Variants in TIGD1 observed in about 807,000 individuals in gnomAD.
The protein encoded by TIGD1 is tigger transposable element derived 1.
TIGD1 carries 20 observed loss-of-function variants against 21.3 expected under a neutral mutation model. The observed-to-expected ratio is 0.94, with a 90% CI of 0.66 to 1.36. The LOEUF is 1.36. TIGD1 is among the 40% of genes most tolerant of loss of function. TIGD1 has a pLI of 0.00. For synonymous variants in TIGD1, 177 were observed against 123.2 expected (o/e 1.44, Z -2.89); for missense variants, 556 against 350.5 (o/e 1.59, Z -4.68).
In TIGD1 at chr2:232,545,805, T is replaced by C. The variant is rs1692122382; in HGVS notation, c.*2302A>G. On this transcript the variant is annotated 3_prime_UTR_variant, in exon 1 of 1. Transcript: ENST00000408957. ...CACGTTCTCCTACTGAGGTCCTAAG[T>C]GTGCTCTTTGGGAAGTGCCCTTCAG... 4.8e-6 allele frequency: 7 copies of C among 1,445,446 alleles called. No homozygotes were observed. Among genetic ancestry groups the C allele is most frequent in the Non-Finnish European group, 6.8e-6 (7 of 1,033,644 alleles). The allele number at this position is 1,445,446 out of a possible 1,614,324, so 89.5% of individuals were successfully genotyped here.
At position 232,550,196 on chromosome 2, in the gene TIGD1, A is replaced by G. The variant is rs1692251766; in HGVS notation, c.-314T>C. The stretch of plus-strand genomic sequence containing the variant: ...ACATGCTGTTGGAAAAATGGCGCTG[A>G]TACAATTGCTGGACTCAGGGCTGCC... On this transcript the variant is annotated 5_prime_UTR_variant, in exon 1 of 1. Coordinates refer to ENST00000408957, the MANE Select transcript of TIGD1 (RefSeq NM_145702.4). 1 of 316,648 alleles carries G rather than the reference A, an allele frequency of 3.2e-6. No homozygotes were observed. The highest frequency in any genetic ancestry group is 9.4e-5 in the South Asian group (1 of 10,626). 19.6% of individuals were successfully genotyped at this position (316,648 alleles called of 1,614,324 possible).
chr2:232,547,024 G>A lies in TIGD1; in HGVS notation c.*1083C>T, dbSNP rs908232217. Among the ~76,000 whole-genome samples, 7 of 152,196 alleles carry A rather than the reference G, an allele frequency of 4.6e-5. No homozygotes were observed. Among genetic ancestry groups the A allele is most frequent in the African/African-American group, 1.4e-4 (6 of 41,446 alleles). ...TGCTCTGAGATTACAGCCGGCACAC[G>A]AGTTTGGCTGGTAACCAGGGGACAC... On this transcript the variant is annotated 3_prime_UTR_variant, in exon 1 of 1. Transcript: ENST00000408957.
In TIGD1 at chr2:232,544,545, G is replaced by T; in HGVS notation, c.*3562C>A. On this transcript the variant is annotated 3_prime_UTR_variant, in exon 1 of 1. Coordinates refer to ENST00000408957, the MANE Select transcript of TIGD1 (RefSeq NM_145702.4). ...GAACTCCTCTTCCAGCAGTGGCAGC[G>T]GCAAGGGCTGGTGGCGGCAGCGCTG... The T allele has an allele frequency of 6.2e-7, 1 of 1,613,712 alleles. No individual in the cohort carries two copies. The highest frequency in any genetic ancestry group is 1.7e-5 in the Admixed American group (1 of 60,030).
chr2:232,545,469 C>T lies in TIGD1; in HGVS notation c.*2638G>A. On this transcript the variant is annotated 3_prime_UTR_variant, in exon 1 of 1. Coordinates refer to ENST00000408957, the MANE Select transcript of TIGD1 (RefSeq NM_145702.4). ...ATGGAGACATGGGCCTGCTGGAAGC[C>T]CAAGGATGAGAACAGGACCCAGGGA... 1 of 1,370,802 alleles carries T rather than the reference C, an allele frequency of 7.3e-7. No individual in the cohort carries two copies. Among genetic ancestry groups the T allele is most frequent in the Non-Finnish European group, 1.0e-6 (1 of 984,500 alleles). 84.9% of individuals were successfully genotyped at this position (1,370,802 alleles called of 1,614,324 possible).
chr2:232,545,657 CG>C lies in TIGD1; in HGVS notation c.*2449del, dbSNP rs891397971. 1 of 1,614,080 alleles carries C rather than the reference CG, an allele frequency of 6.2e-7. No individual in the cohort carries two copies. Among genetic ancestry groups the C allele is most frequent in the African/African-American group, 1.3e-5 (1 of 74,954 alleles). Reference sequence around the variant, plus strand: ...CATCTTCCTCATGGCCCACTACAACCGGGTGCCGGCCCTGCCATTCCCTGGA... The same window carrying C: ...CATCTTCCTCATGGCCCACTACAACCGGTGCCGGCCCTGCCATTCCCTGGA... On this transcript the variant is annotated 3_prime_UTR_variant, in exon 1 of 1. Coordinates refer to ENST00000408957, the MANE Select transcript of TIGD1 (RefSeq NM_145702.4).
At position 232,544,231 on chromosome 2, in the gene TIGD1, A is replaced by C; in HGVS notation, c.*3876T>G. On this transcript the variant is annotated 3_prime_UTR_variant, in exon 1 of 1. Coordinates refer to ENST00000408957, the MANE Select transcript of TIGD1 (RefSeq NM_145702.4). Reference sequence around the variant, plus strand: ...GGACCCAGGCTCGTGTCCAGTATAGAAAGCTTTACCAAGGCCACGTCACTG... The same window carrying C: ...GGACCCAGGCTCGTGTCCAGTATAGCAAGCTTTACCAAGGCCACGTCACTG... 1 of 766,490 alleles carries C rather than the reference A, an allele frequency of 1.3e-6. No homozygotes were observed. Among genetic ancestry groups the C allele is most frequent in the African/African-American group, 1.7e-5 (1 of 59,160 alleles). 47.5% of individuals were successfully genotyped at this position (766,490 alleles called of 1,614,324 possible).
At position 232,545,856 on chromosome 2, in the gene TIGD1, G is replaced by A; in HGVS notation, c.*2251C>T. The A allele has an allele frequency of 1.0e-6, 1 of 970,312 alleles. No homozygotes were observed. Among genetic ancestry groups the A allele is most frequent in the Non-Finnish European group, 1.6e-6 (1 of 624,356 alleles). 60.1% of individuals were successfully genotyped at this position (970,312 alleles called of 1,614,324 possible). ...GACTGTGTGAGCCAAACAGCCCTGA[G>A]AAAAGCTGGGGAAACAGTCTGAGCT... On this transcript the variant is annotated 3_prime_UTR_variant, in exon 1 of 1. Transcript: ENST00000408957.
rs143233705 is a variant in TIGD1 at position 232,544,081 on chromosome 2, T to C, written c.*4026A>G. Among the ~76,000 whole-genome samples the C allele has an allele frequency of 5.7e-3, 868 of 152,292 alleles. 9 individuals carry two copies. The highest frequency in any genetic ancestry group is 0.02 in the African/African-American group (823 of 41,564). On this transcript the variant is annotated 3_prime_UTR_variant, in exon 1 of 1. Coordinates refer to ENST00000408957, the MANE Select transcript of TIGD1 (RefSeq NM_145702.4). ...CACCTGCAGCCTTCAGCTTGGGCCC[T>C]TGTTGCACATGCAGATTCCCAGGCC...
rs1231940167 is a variant in TIGD1, at chr2:232,544,408, T to C, written c.*3699A>G. On this transcript the variant is annotated 3_prime_UTR_variant, in exon 1 of 1. Transcript: ENST00000408957. ...TGCCCCAGCTGCTGAGGATGCACGTTCGCCCGCTGGCCCCGGCAGCTGTGC... is the reference window on the plus strand; with the variant it reads ...TGCCCCAGCTGCTGAGGATGCACGTCCGCCCGCTGGCCCCGGCAGCTGTGC... 1.2e-6 allele frequency: 2 copies of C among 1,613,490 alleles called. No individual in the cohort carries two copies. Among genetic ancestry groups the C allele is most frequent in the Non-Finnish European group, 1.7e-6 (2 of 1,180,002 alleles).
Position 232,545,941 on chromosome 2 carries a change from C to G in TIGD1, c.*2166G>C. 1.6e-6 allele frequency: 1 copy of G among 635,186 alleles called. No homozygotes were observed. The highest frequency in any genetic ancestry group is 2.9e-6 in the Non-Finnish European group (1 of 349,324). 39.3% of individuals were successfully genotyped at this position (635,186 alleles called of 1,614,324 possible). A position where few individuals can be genotyped will look rare whatever the true frequency, so the allele number is the denominator to read the frequency against. ...AGTGTCCTGCTGCAGTCAGCACACA[C>G]GTGGGATTGGCTAGCTCATCCTGGC... On this transcript the variant is annotated 3_prime_UTR_variant, in exon 1 of 1. Coordinates refer to ENST00000408957, the MANE Select transcript of TIGD1 (RefSeq NM_145702.4).
chr2:232,545,504 G>A lies in TIGD1; in HGVS notation c.*2603C>T, dbSNP rs778042651. On this transcript the variant is annotated 3_prime_UTR_variant, in exon 1 of 1. Coordinates refer to ENST00000408957, the MANE Select transcript of TIGD1 (RefSeq NM_145702.4). ...GAACAGGACCCAGGGAAGACCTGGTGCCGCCGCTGGTTATCCCACACCTGC... is the reference window on the plus strand; with the variant it reads ...GAACAGGACCCAGGGAAGACCTGGTACCGCCGCTGGTTATCCCACACCTGC... 4.4e-6 allele frequency: 7 copies of A among 1,589,342 alleles called. No homozygotes were observed. In the African/African-American group the frequency reaches 8.1e-5, roughly 18 times the overall value.
At position 232,546,229 on chromosome 2, in the gene TIGD1, A is replaced by T. The variant is rs1024766867; in HGVS notation, c.*1878T>A. 4.7e-5 allele frequency: 8 copies of T among 169,902 alleles called. No homozygotes were observed. The highest frequency in any genetic ancestry group is 1.7e-4 in the African/African-American group (7 of 41,674). The allele number at this position is 169,902 out of a possible 1,614,324, so 10.5% of individuals were successfully genotyped here. On this transcript the variant is annotated 3_prime_UTR_variant, in exon 1 of 1. Transcript: ENST00000408957. ...TGGGTACAATAAGCACCCAATTCTC[A>T]ACAGCCCCAGTGGCCTTTCCATTCA...
At position 232,550,353 on chromosome 2, in the gene TIGD1, T is replaced by A. The variant is rs968913745; in HGVS notation, c.-471A>T. The A allele has an allele frequency of 9.8e-6, 4 of 408,972 alleles. No individual in the cohort carries two copies. The highest frequency in any genetic ancestry group is 8.5e-5 in the African/African-American group (4 of 47,188). The allele number at this position is 408,972 out of a possible 1,614,324, so 25.3% of individuals were successfully genotyped here. ...GTCAAAAGAGATACCAGAGAGTGCG[T>A]CCCGCACTGGAGGAAGAGGAAGGTT... On this transcript the variant is annotated 5_prime_UTR_variant, in exon 1 of 1. Transcript: ENST00000408957.
chr2:232,549,189 TAA>T lies in TIGD1; in HGVS notation c.692_693del (p.Phe231Ter). Reference protein sequence around the residue: ...LLLGANAAGDFKLKPMLIYHS... With the variant: ...LLLGANAAGDXKLKPMLIYHS... ...TGGTAAATAAGCATTGGCTTCAACT[TAA>T]AGTCACCAGCTGCATTAGCCCCTAA... On this transcript the variant is annotated frameshift_variant, in exon 1 of 1. Coordinates refer to ENST00000408957, the MANE Select transcript of TIGD1 (RefSeq NM_145702.4). LOFTEE classifies it high-confidence loss of function. 1 of 705,704 alleles carries T rather than the reference TAA, an allele frequency of 1.4e-6. No homozygotes were observed. The highest frequency in any genetic ancestry group is 2.6e-6 in the Non-Finnish European group (1 of 382,346). 43.7% of individuals were successfully genotyped at this position (705,704 alleles called of 1,614,324 possible). A position where few individuals can be genotyped will look rare whatever the true frequency, so the allele number is the denominator to read the frequency against.
Position 232,545,356 on chromosome 2 carries a change from CA to C in TIGD1, c.*2750del, listed in dbSNP as rs1441071991. 7.1e-6 allele frequency among the ~76,000 whole-genome samples: 1 copy of C among 141,088 alleles called. No individual in the cohort carries two copies. 92.6% of individuals were successfully genotyped at this position (141,088 alleles called of 152,430 possible). A position where few individuals can be genotyped will look rare whatever the true frequency, so the allele number is the denominator to read the frequency against. On this transcript the variant is annotated 3_prime_UTR_variant, in exon 1 of 1. Transcript: ENST00000408957. ...AAGGAAAGAAAGAAAGAAAAAGGAA[CA>C]GGGGCAGGGGGGGCACCTCAGGGCC...
rs145034494 is a variant in TIGD1 at position 232,550,361 on chromosome 2, T to G, written c.-479A>C. 2.4e-6 allele frequency: 1 copy of G among 420,676 alleles called. No homozygotes were observed. The highest frequency in any genetic ancestry group is 4.5e-5 in the Admixed American group (1 of 21,998). 26.1% of individuals were successfully genotyped at this position (420,676 alleles called of 1,614,324 possible). A position where few individuals can be genotyped will look rare whatever the true frequency, so the allele number is the denominator to read the frequency against. On this transcript the variant is annotated 5_prime_UTR_variant, in exon 1 of 1. Transcript: ENST00000408957. ...AGATACCAGAGAGTGCGTCCCGCAC[T>G]GGAGGAAGAGGAAGGTTTTTACCAA...
chr2:232,545,368 G>A lies in TIGD1; in HGVS notation c.*2739C>T, dbSNP rs1692106957. On this transcript the variant is annotated 3_prime_UTR_variant, in exon 1 of 1. Transcript: ENST00000408957. Reference sequence around the variant, plus strand: ...AAAGAAAAAGGAACAGGGGCAGGGGGGGCACCTCAGGGCCAGGGGGCCATG... The same window carrying A: ...AAAGAAAAAGGAACAGGGGCAGGGGAGGCACCTCAGGGCCAGGGGGCCATG... 6.6e-6 allele frequency among the ~76,000 whole-genome samples: 1 copy of A among 152,018 alleles called. No individual in the cohort carries two copies. The highest frequency in any genetic ancestry group is 1.9e-4 in the East Asian group (1 of 5,182).
In TIGD1 at chr2:232,544,293, A is replaced by C; in HGVS notation, c.*3814T>G. 3 of 1,136,462 alleles carry C rather than the reference A, an allele frequency of 2.6e-6. No individual in the cohort carries two copies. The highest frequency in any genetic ancestry group is 4.0e-6 in the Non-Finnish European group (3 of 752,040). 70.4% of individuals were successfully genotyped at this position (1,136,462 alleles called of 1,614,324 possible). On this transcript the variant is annotated 3_prime_UTR_variant, in exon 1 of 1. Coordinates refer to ENST00000408957, the MANE Select transcript of TIGD1 (RefSeq NM_145702.4). ...TGCCTCCATGGTCCCTAGCAGCACA[A>C]GCCCTTCACGCCAACCTCTGGCTTC... is the stretch of plus-strand genomic sequence containing the variant.
In TIGD1 at chr2:232,545,607, C is replaced by T. The variant is rs750474176; in HGVS notation, c.*2500G>A. On this transcript the variant is annotated 3_prime_UTR_variant, in exon 1 of 1. Transcript: ENST00000408957. ...CGCGTCTGCTTCCTGGCCATGCTCT[C>T]GCTCTTCATCTGTGGCACAGCTGGC... is the stretch of plus-strand genomic sequence containing the variant. The T allele has an allele frequency of 1.7e-5, 28 of 1,613,998 alleles. No homozygotes were observed. Among genetic ancestry groups the T allele is most frequent in the Admixed American group, 3.3e-5 (2 of 60,006 alleles).
Sources: gnomAD v4.1 joint callset for allele counts (sites outside exome capture counted in the v4.1 genomes callset) on GRCh38, gnomAD v4.1.1 for gene constraint, MANE v1.5 for transcripts, NCBI Gene and HGNC (gene_info 2026-07-23, HGNC 2026-07-21) for gene names.